The following HIVEP3 variants were observed in gnomAD, a reference collection of about 807,000 sequenced individuals.
HIVEP3 encodes HIVEP zinc finger 3.
In HIVEP3, 49 loss-of-function variants were observed where a neutral mutation model predicts 152.8. The ratio of observed to expected loss-of-function variants is 0.32; its 90% CI spans 0.26 to 0.41. The LOEUF (loss-of-function observed/expected upper bound fraction) is 0.41. Among genes scored for constraint, HIVEP3 ranks in the 10% least tolerant of loss-of-function variants. The pLI is 1.00. For missense variants in HIVEP3, 2,790 were observed against 3,103.3 expected, an observed-to-expected ratio of 0.90 and a Z score of 2.40; for synonymous variants, 1,269 against 1,289.0, an observed-to-expected ratio of 0.98 and a Z score of 0.33.
At chr1:41,661,649 A>T (rs1426188819) in intron 2 of HIVEP3, among the ~76,000 whole-genome samples, 1 of 152,206 alleles carries the variant, frequency 6.6e-6, no homozygotes, top group African/African-American at 2.4e-5. Context: ...GTGGGCTCTG[A>T]CAGACTGAAA....
chr1:41,619,404 C>T (rs1645014622), intron 3 of HIVEP3, among the ~76,000 whole-genome samples: 1 of 152,166 alleles, frequency 6.6e-6, no homozygotes, highest in African/African-American at 2.4e-5. Context: ...ATTTTACATA[C>T]ACTTATGTTT....
In HIVEP3 at chr1:42,029,139, A is replaced by G. The variant is rs75656781; in HGVS notation, n.119+6668T>C. Among the ~76,000 whole-genome samples, 554 of 152,326 alleles carry G rather than the reference A, an allele frequency of 3.6e-3. 1 individual carries two copies. Among genetic ancestry groups the G allele is most frequent in the Admixed American group, 7.6e-3 (116 of 15,300 alleles). ...TCTGTTTTGTAAAGTCAGCTCAAAA[A>G]CAGGACATCAGTAATTTATCACACT... is the stretch of plus-strand genomic sequence containing the variant. On this transcript the variant is annotated intron_variant and non_coding_transcript_variant, in intron 1 of 3. Transcript: ENST00000489103.
intron 1 of HIVEP3, among the ~76,000 whole-genome samples, chr1:41,744,755 A>G (rs994719792): frequency 1.3e-5 from 2 of 152,070 alleles, no homozygotes; most frequent in African/African-American, 4.8e-5. Flanking sequence ...CAACACATAC[A>G]TATCTAACAT....
chr1:41,937,837 T>C (rs1645027243), intron 1 of HIVEP3, among the ~76,000 whole-genome samples: 1 of 152,230 alleles, frequency 6.6e-6, no homozygotes, highest in South Asian at 2.1e-4. Context: ...GTGCATTGTA[T>C]ATGTAGAGTC....
At chr1:41,526,968 ACACT>A (rs1456915286) in intron 5 of HIVEP3, among the ~76,000 whole-genome samples, 4 of 54,442 alleles carry the variant, frequency 7.3e-5, no homozygotes, top group Admixed American at 2.1e-4. Context: ...ACTCATCCTC[ACACT>A]CACCTTCACA....
rs924866371 is a variant in HIVEP3 at position 41,639,907 on chromosome 1, G to T, written c.-720-10960C>A. ...AGGCAATGGAGCCCAGTCATTGATA[G>T]CGACAAGACCTGCTTTGAGGATACC... On this transcript the variant is annotated intron_variant, in intron 2 of 8. Transcript: ENST00000372583. 3.9e-4 allele frequency among the ~76,000 whole-genome samples: 60 copies of T among 152,224 alleles called. 1 individual carries two copies. Among genetic ancestry groups the T allele is most frequent in the Admixed American group, 3.5e-3 (54 of 15,282 alleles).
intron 1 of HIVEP3, among the ~76,000 whole-genome samples, chr1:41,844,393 G>C (rs1242512160): frequency 6.6e-6 from 1 of 152,176 alleles, no homozygotes; most frequent in African/African-American, 2.4e-5. Flanking sequence ...GTCCAAGAGG[G>C]AGACACAAGT....
chr1:41,931,940 T>C (rs1557528124), intron 1 of HIVEP3, among the ~76,000 whole-genome samples: 1 of 151,934 alleles, frequency 6.6e-6, no homozygotes, highest in Non-Finnish European at 1.5e-5. Context: ...TTTTGCCTTT[T>C]TTTTTCTTGC....
chr1:41,720,180 G>A (rs571374661), intron 1 of HIVEP3, among the ~76,000 whole-genome samples: 2 of 152,260 alleles, frequency 1.3e-5, no homozygotes, highest in South Asian at 4.1e-4. Flanking sequence ...CATCAGAGCA[G>A]GCAGGAAATT....
intron 1 of HIVEP3, among the ~76,000 whole-genome samples, chr1:41,877,974 T>C (rs1270206319): frequency 1.3e-5 from 2 of 152,156 alleles, no homozygotes; most frequent in African/African-American, 4.8e-5. Context: ...AGCACTGCTA[T>C]AGAGAAAGGA....
chr1:41,605,391 A>ACGCG (rs1403932874), intron 3 of HIVEP3, among the ~76,000 whole-genome samples: 1 of 151,904 alleles, frequency 6.6e-6, no homozygotes, highest in African/African-American at 2.4e-5. Flanking sequence ...ACACACACAC[A>ACGCG]CACACACACA....
chr1:41,750,738 G>A lies in HIVEP3; in HGVS notation c.-800-49743C>T, dbSNP rs987277662. Among the ~76,000 whole-genome samples, 7 of 147,108 alleles carry A rather than the reference G, an allele frequency of 4.8e-5. No homozygotes were observed. The South Asian group carries it at 6.4e-4, about 14-fold the overall frequency. ...TTTTTGACACGCGTCTCGCTCTGTC[G>A]CCCAGGCTGGAGTGCAATGGTGCGA... On this transcript the variant is annotated intron_variant, in intron 1 of 8. Coordinates refer to ENST00000372583, the MANE Select transcript of HIVEP3 (RefSeq NM_024503.5).
chr1:41,974,854 CA>C (rs76625672), intron 1 of HIVEP3, among the ~76,000 whole-genome samples: 14,989 of 152,116 alleles, frequency 0.099, 805 homozygotes, highest in South Asian at 0.18. Context: ...TGGCTCCACA[CA>C]AATTTATTGA....
intron 1 of HIVEP3, among the ~76,000 whole-genome samples, chr1:41,876,168 C>T (rs1352827980): frequency 6.7e-6 from 1 of 149,446 alleles, no homozygotes; most frequent in Non-Finnish European, 1.5e-5. Context: ...GGGTATTCAT[C>T]AAAAATTTTT....
At chr1:41,708,460 C>T (rs1379305081) in intron 1 of HIVEP3, among the ~76,000 whole-genome samples, 1 of 152,144 alleles carries the variant, frequency 6.6e-6, no homozygotes, top group South Asian at 2.1e-4. Flanking sequence ...AGGGCATGAG[C>T]CTAAGCCAGG....
At chr1:41,927,045 T>C in intron 1 of HIVEP3, among the ~76,000 whole-genome samples, 1 of 152,222 alleles carries the variant, frequency 6.6e-6, no homozygotes, top group East Asian at 1.9e-4. Flanking sequence ...GATGTAGCCT[T>C]GTCAGGCTGT....
At chr1:41,803,843 GA>G (rs1650444281) in intron 1 of HIVEP3, among the ~76,000 whole-genome samples, 1 of 152,190 alleles carries the variant, frequency 6.6e-6, no homozygotes, top group Admixed American at 6.5e-5. Flanking sequence ...TAGCCCCAGG[GA>G]AAGCTGTGCA....
intron 1 of HIVEP3, among the ~76,000 whole-genome samples, chr1:41,902,819 C>A (rs1419779264): frequency 1.3e-5 from 2 of 152,182 alleles, no homozygotes; most frequent in African/African-American, 4.8e-5. Context: ...CATTTAGAAT[C>A]GTTTCAGTTT....
chr1:41,911,219 A>G (rs1177626613), intron 1 of HIVEP3, among the ~76,000 whole-genome samples: 2 of 152,186 alleles, frequency 1.3e-5, no homozygotes, highest in East Asian at 1.9e-4. Flanking sequence ...GTACTTCACA[A>G]AAAAAGAAAA....
Sources: gnomAD v4.1 joint callset for allele counts (sites outside exome capture counted in the v4.1 genomes callset) on GRCh38, gnomAD v4.1.1 for gene constraint, MANE v1.5 for transcripts, NCBI Gene and HGNC (gene_info 2026-07-23, HGNC 2026-07-21) for gene names.